CPNE4: variants seen among roughly 807,000 people sequenced by gnomAD.
CPNE4 encodes copine-4.
Under a neutral mutation model 67.9 loss-of-function variants are expected in CPNE4, and 25 were observed. That is an observed-to-expected ratio of 0.37 (90% CI 0.27 to 0.51). The LOEUF is 0.51. CPNE4 is among the 20% of genes least tolerant of loss of function. CPNE4 has a pLI of 0.93. For missense variants in CPNE4, 464 were observed against 690.8 expected, an observed-to-expected ratio of 0.67 and a Z score of 3.68; for synonymous variants, 242 against 244.9, an observed-to-expected ratio of 0.99 and a Z score of 0.11.
At chr3:131,684,475 T>C (rs1393312548) in intron 6 of CPNE4, among the ~76,000 whole-genome samples, 5 of 152,202 alleles carry the variant, frequency 3.3e-5, no homozygotes, top group Non-Finnish European at 5.9e-5. Flanking sequence ...ATTAAACACT[T>C]TTTTTAGATA....
chr3:131,656,519 G>A (rs2079972211), intron 7 of CPNE4, among the ~76,000 whole-genome samples: 1 of 152,088 alleles, frequency 6.6e-6, no homozygotes, highest in South Asian at 2.1e-4. Flanking sequence ...ATGTAACTAT[G>A]GGCTTGTGTA....
intron 2 of CPNE4, among the ~76,000 whole-genome samples, chr3:131,891,069 G>A (rs964702631): frequency 6.6e-6 from 1 of 151,964 alleles, no homozygotes; most frequent in African/African-American, 2.4e-5. Flanking sequence ...TTATTAAGAG[G>A]ACAGATCTCA....
At chr3:131,627,026 C>G (rs2079090281) in intron 7 of CPNE4, among the ~76,000 whole-genome samples, 1 of 151,856 alleles carries the variant, frequency 6.6e-6, no homozygotes, top group African/African-American at 2.4e-5. Context: ...AACCCTGTCT[C>G]TACTAAAAAC....
intron 2 of CPNE4, among the ~76,000 whole-genome samples, chr3:131,798,240 T>C (rs2083974429): frequency 6.6e-6 from 1 of 152,146 alleles, no homozygotes; most frequent in African/African-American, 2.4e-5. Context: ...ACATAGGACC[T>C]CAGGTGCTCT....
chr3:131,917,197 G>A lies in CPNE4; in HGVS notation c.-1-11753C>T, dbSNP rs576370047. Among the ~76,000 whole-genome samples, 14 of 152,304 alleles carry A rather than the reference G, an allele frequency of 9.2e-5. 1 individual carries two copies. The highest frequency in any genetic ancestry group is 1.9e-4 in the East Asian group (1 of 5,182). On this transcript the variant is annotated intron_variant, in intron 1 of 15. Coordinates refer to ENST00000429747, the MANE Select transcript of CPNE4 (RefSeq NM_130808.3). ...GCTCTCCTCAGAATTTCTTTCTAAC[G>A]TGGCAGTACCTTTATGTCCAATGTG...
At chr3:131,885,355 A>C (rs985768903) in intron 2 of CPNE4, among the ~76,000 whole-genome samples, 3 of 150,248 alleles carry the variant, frequency 2.0e-5, no homozygotes, top group African/African-American at 7.3e-5. Context: ...TTTTCTGTTG[A>C]ATATTAAGAT....
chr3:131,957,305 G>C (rs950669322), intron 1 of CPNE4, among the ~76,000 whole-genome samples: 1 of 152,172 alleles, frequency 6.6e-6, no homozygotes. Flanking sequence ...ATAGCTTCTT[G>C]AATTGAGCCA....
chr3:131,631,748 G>A (rs1007844155), intron 7 of CPNE4, among the ~76,000 whole-genome samples: 1 of 151,950 alleles, frequency 6.6e-6, no homozygotes, highest in Admixed American at 6.6e-5. Context: ...TTGTGTGGGG[G>A]AAATGTAGGA....
At chr3:131,588,376 T>A (rs1158883643) in intron 7 of CPNE4, among the ~76,000 whole-genome samples, 1 of 152,178 alleles carries the variant, frequency 6.6e-6, no homozygotes, top group African/African-American at 2.4e-5. Context: ...GGGTGGAGAC[T>A]GGATTGGAGT....
chr3:131,770,473 C>T (rs1478045548), intron 2 of CPNE4, among the ~76,000 whole-genome samples: 1 of 152,214 alleles, frequency 6.6e-6, no homozygotes, highest in Non-Finnish European at 1.5e-5. Context: ...GTGAGGCAGA[C>T]GAGCTGCAGG....
At chr3:131,617,404 A>AT (rs1940211604) in intron 7 of CPNE4, among the ~76,000 whole-genome samples, 1 of 152,044 alleles carries the variant, frequency 6.6e-6, no homozygotes, top group Non-Finnish European at 1.5e-5. Flanking sequence ...TTCTTATTTG[A>AT]TCCCCCCAAC....
At chr3:131,797,835 A>T (rs889693686) in intron 2 of CPNE4, among the ~76,000 whole-genome samples, 17 of 152,254 alleles carry the variant, frequency 1.1e-4, no homozygotes, top group African/African-American at 3.9e-4. Flanking sequence ...AGTGAATAAA[A>T]TTACCCCATG....
At chr3:131,646,814 G>C (rs955226568) in intron 7 of CPNE4, among the ~76,000 whole-genome samples, 8 of 152,222 alleles carry the variant, frequency 5.3e-5, no homozygotes, top group Non-Finnish European at 1.2e-4. Flanking sequence ...GTCAGGATGA[G>C]GACAAGCTCT....
chr3:131,673,606 T>C (rs953959403), intron 6 of CPNE4, among the ~76,000 whole-genome samples: 2 of 152,056 alleles, frequency 1.3e-5, no homozygotes, highest in Non-Finnish European at 2.9e-5. Context: ...ATTATTTTCA[T>C]GATTTCTTTT....
At chr3:131,947,097 T>C (rs989045355) in intron 1 of CPNE4, among the ~76,000 whole-genome samples, 1 of 152,204 alleles carries the variant, frequency 6.6e-6, no homozygotes, top group Admixed American at 6.5e-5. Flanking sequence ...ACTGTTGTGA[T>C]TATTGTAGCT....
At chr3:131,924,629 T>A (rs2070843234) in intron 1 of CPNE4, among the ~76,000 whole-genome samples, 1 of 152,174 alleles carries the variant, frequency 6.6e-6, no homozygotes, top group African/African-American at 2.4e-5. Context: ...TTCCTTAGGC[T>A]ATTCTAATAT....
chr3:131,791,139 A>G (rs141474143), intron 2 of CPNE4, among the ~76,000 whole-genome samples: 12 of 152,348 alleles, frequency 7.9e-5, no homozygotes, highest in African/African-American at 2.6e-4. Flanking sequence ...TACTTAATGT[A>G]TCCATGAATA....
chr3:131,897,976 T>C (rs113015102), intron 2 of CPNE4, among the ~76,000 whole-genome samples: 10 of 152,182 alleles, frequency 6.6e-5, no homozygotes, highest in African/African-American at 2.4e-4. Flanking sequence ...TAATTAAATA[T>C]GACAATATAT....
At chr3:131,946,800 C>T (rs567599048) in intron 1 of CPNE4, among the ~76,000 whole-genome samples, 2 of 152,156 alleles carry the variant, frequency 1.3e-5, no homozygotes, top group African/African-American at 2.4e-5. Context: ...CATTCATAGC[C>T]GTTATAAATA....
Sources: allele counts gnomAD v4.1 joint callset (sites outside exome capture counted in the v4.1 genomes callset), GRCh38; gene constraint gnomAD v4.1.1; transcripts MANE v1.5; gene names NCBI Gene and HGNC (gene_info 2026-07-23, HGNC 2026-07-21).